The following ARL15 variants were observed in gnomAD, a reference collection of about 807,000 sequenced individuals.
ARL15 encodes the protein ARF like GTPase 15.
Under a neutral mutation model 25.2 loss-of-function variants are expected in ARL15, and 19 were observed. That is an observed-to-expected ratio of 0.75 (90% CI 0.53 to 1.10). The LOEUF (loss-of-function observed/expected upper bound fraction) is 1.10. ARL15 is among the 50% of genes least tolerant of loss of function. ARL15 has a pLI of 0.00. For synonymous variants in ARL15, 94 were observed against 86.8 expected, an observed-to-expected ratio of 1.08 and a Z score of -0.46; for missense variants, 220 against 246.0, an observed-to-expected ratio of 0.89 and a Z score of 0.71.
chr5:54,126,376 TC>T (rs1753252488), intron 3 of ARL15, among the ~76,000 whole-genome samples: 1 of 152,214 alleles, frequency 6.6e-6, no homozygotes, highest in Non-Finnish European at 1.5e-5. Flanking sequence ...CCTCTTGAAT[TC>T]CCTGTCAGAC....
At chr5:53,915,978 C>T (rs1163535901) in intron 4 of ARL15, among the ~76,000 whole-genome samples, 1 of 152,172 alleles carries the variant, frequency 6.6e-6, no homozygotes, top group African/African-American at 2.4e-5. Context: ...ATGGTCATGG[C>T]TCACTGCAGC....
At chr5:54,127,984 G>A (rs568233782) in intron 3 of ARL15, among the ~76,000 whole-genome samples, 1 of 152,072 alleles carries the variant, frequency 6.6e-6, no homozygotes, top group African/African-American at 2.4e-5. Context: ...AGCTGAAACT[G>A]GATCCCTTCC....
chr5:54,300,437 C>G (rs1390147667), intron 1 of ARL15, among the ~76,000 whole-genome samples: 3 of 152,194 alleles, frequency 2.0e-5, no homozygotes, highest in Non-Finnish European at 4.4e-5. Flanking sequence ...GTGTATGAAG[C>G]CTTGAGGTGA....
intron 4 of ARL15, among the ~76,000 whole-genome samples, chr5:53,962,539 C>T (rs530512115): frequency 2.6e-5 from 4 of 152,018 alleles, no homozygotes; most frequent in East Asian, 1.9e-4. Context: ...AGTTTCATTT[C>T]GAAATCTATC....
intron 4 of ARL15, among the ~76,000 whole-genome samples, chr5:53,945,254 T>G (rs1444565783): frequency 6.6e-6 from 1 of 152,244 alleles, no homozygotes; most frequent in Non-Finnish European, 1.5e-5. Context: ...ACTCCTAGCT[T>G]CTACATCACT....
intron 2 of ARL15, among the ~76,000 whole-genome samples, chr5:54,168,810 C>T (rs577443599): frequency 1.3e-5 from 2 of 152,288 alleles, no homozygotes; most frequent in Admixed American, 1.3e-4. Context: ...TGATCACTCT[C>T]CTCTTTTAAC....
chr5:53,945,168 G>A (rs763209568), intron 4 of ARL15, among the ~76,000 whole-genome samples: 3 of 152,114 alleles, frequency 2.0e-5, no homozygotes, highest in Admixed American at 6.5e-5. Context: ...TTATTCCTAC[G>A]ATGATCCATT....
intron 1 of ARL15, among the ~76,000 whole-genome samples, chr5:54,263,572 A>T (rs1757551523): frequency 6.6e-6 from 1 of 152,278 alleles, no homozygotes; most frequent in Non-Finnish European, 1.5e-5. Flanking sequence ...CGAAGAAAGG[A>T]AACAGGAAAC....
intron 1 of ARL15, chr5:54,307,915 CA>C (rs1468789187): frequency 6.6e-6 from 1 of 152,088 alleles, no homozygotes; most frequent in African/African-American, 2.4e-5. Flanking sequence ...AATCTGGAGT[CA>C]AACTTGGAAT....
chr5:54,043,811 T>G (rs902879913), intron 4 of ARL15, among the ~76,000 whole-genome samples: 2 of 150,692 alleles, frequency 1.3e-5, no homozygotes, highest in Non-Finnish European at 2.9e-5. Context: ...TAAGAGAAAA[T>G]TCTAGCCTCG....
chr5:54,169,166 A>C (rs1029481968), intron 2 of ARL15, among the ~76,000 whole-genome samples: 9 of 152,196 alleles, frequency 5.9e-5, no homozygotes, highest in African/African-American at 2.2e-4. Flanking sequence ...TAAGAAAATT[A>C]TATACAGATA....
At chr5:53,922,273 T>C (rs892538191) in intron 4 of ARL15, among the ~76,000 whole-genome samples, 9 of 152,204 alleles carry the variant, frequency 5.9e-5, no homozygotes, top group African/African-American at 2.2e-4. Flanking sequence ...TTCCCTTGCC[T>C]GTGTTTAGTA....
intron 1 of ARL15, among the ~76,000 whole-genome samples, chr5:54,281,319 T>G (rs942504541): frequency 2.0e-5 from 3 of 152,136 alleles, no homozygotes; most frequent in Non-Finnish European, 2.9e-5. Flanking sequence ...CTTGTATTTT[T>G]GGTAGAGACA....
intron 1 of ARL15, chr5:54,282,351 G>A: frequency 4.1e-6 from 4 of 985,392 alleles, no homozygotes; most frequent in Non-Finnish European, 4.8e-6. Flanking sequence ...ATAAGAATAA[G>A]AGAATAAGAA....
At chr5:54,182,865 G>C (rs369509949) in intron 1 of ARL15, among the ~76,000 whole-genome samples, 6 of 151,212 alleles carry the variant, frequency 4.0e-5, no homozygotes, top group Non-Finnish European at 7.4e-5. Flanking sequence ...GGTCCTTCAC[G>C]TCCCTTGTAA....
At position 54,222,446 on chromosome 5, in the gene ARL15, G is replaced by A. The variant is rs545587491; in HGVS notation, c.49-50518C>T. ...GCAAACACACTTGAGCAGCCTGTTT[G>A]GATATTGTAGTACTTGTTCCACAGA... is the stretch of plus-strand genomic sequence containing the variant. On this transcript the variant is annotated intron_variant, in intron 1 of 4. Coordinates refer to ENST00000504924, the MANE Select transcript of ARL15 (RefSeq NM_019087.3). Among the ~76,000 whole-genome samples, 17 of 152,274 alleles carry A rather than the reference G, an allele frequency of 1.1e-4. No individual in the cohort carries two copies. The East Asian group carries it at 2.9e-3, about 26-fold the overall frequency.
intron 1 of ARL15, among the ~76,000 whole-genome samples, chr5:54,198,984 A>G (rs1755635808): frequency 6.6e-6 from 1 of 151,916 alleles, no homozygotes; most frequent in African/African-American, 2.4e-5. Context: ...GCCCTCAGAA[A>G]TAATGCCACA....
chr5:54,120,728 A>G (rs1416977984), intron 3 of ARL15, among the ~76,000 whole-genome samples: 2 of 152,198 alleles, frequency 1.3e-5, no homozygotes, highest in Admixed American at 6.5e-5. Flanking sequence ...GTATTCTAGA[A>G]AATCTGGTGG....
chr5:54,212,036 G>A (rs35702491), intron 1 of ARL15, among the ~76,000 whole-genome samples: 20,927 of 152,040 alleles, frequency 0.14, 1,816 homozygotes, highest in Non-Finnish European at 0.2. Flanking sequence ...TGCTTTAAAC[G>A]GCATCACCAA....
Sources: allele counts gnomAD v4.1 joint callset (sites outside exome capture counted in the v4.1 genomes callset), GRCh38; gene constraint gnomAD v4.1.1; transcripts MANE v1.5; gene names NCBI Gene and HGNC (gene_info 2026-07-23, HGNC 2026-07-21).